TTN: variants seen among roughly 807,000 people sequenced by gnomAD.
The protein encoded by TTN is connectin.
Under a neutral mutation model 3,223.0 loss-of-function variants are expected in TTN, and 1,525 were observed. The observed-to-expected ratio is 0.47, with a 90% CI of 0.45 to 0.49. The LOEUF (loss-of-function observed/expected upper bound fraction) is 0.49. Ranked by LOEUF, TTN falls within the 20% of genes least tolerant of loss-of-function variation. The pLI, the probability that TTN is intolerant of heterozygous loss-of-function variation, is 0.00. For synonymous variants in TTN, 14,094 were observed against 15,161.0 expected, an observed-to-expected ratio of 0.93 and a Z score of 5.17; for missense variants, 40,786 against 43,424.0, an observed-to-expected ratio of 0.94 and a Z score of 5.40.
Position 178,559,974 on chromosome 2 carries a change from C to G in TTN, c.86158G>C (p.Glu28720Gln). 1 of 1,613,822 alleles carries G rather than the reference C, an allele frequency of 6.2e-7. No homozygotes were observed. Among genetic ancestry groups the G allele is most frequent in the Non-Finnish European group, 8.5e-7 (1 of 1,179,810 alleles). The change falls in exon 326 of 363, where the codon GAA becomes CAA. Residue 28720 changes from glutamate to glutamine, a missense_variant. Physicochemically the swap from Glu to Gln is conservative, Grantham distance 29. Coordinates refer to ENST00000589042, the MANE Select transcript of TTN (RefSeq NM_001267550.2). Reference sequence around the variant, plus strand: ...ACAGATTTTACTCTGAAAACATATTCAGCTCCTGTTGTTAGTCCGCTTATT... The same window carrying G: ...ACAGATTTTACTCTGAAAACATATTGAGCTCCTGTTGTTAGTCCGCTTATT... ...YTISGLTTGA[E>Q]YVFRVKSVNK...
At chr2:178,699,885 G>A (rs891319061) in intron 111 of TTN, among the ~76,000 whole-genome samples, 2 of 149,304 alleles carry the variant, frequency 1.3e-5, no homozygotes, top group Admixed American at 6.7e-5. Flanking sequence ...CCACCACCAC[G>A]CCCGGCTAAT....
chr2:178,547,291 G>A lies in TTN; in HGVS notation c.94234C>T (p.Pro31412Ser), dbSNP rs757361681. 6.2e-7 allele frequency: 1 copy of A among 1,609,094 alleles called. No homozygotes were observed. The highest frequency in any genetic ancestry group is 8.5e-7 in the Non-Finnish European group (1 of 1,177,060). ...AEHPFVPPSA[P>S]TRPEVYHVSA... ...ACATGGTAGACCTCAGGTCTGGTAGGAGCGCTTGGTGGGACTAAATATAAA... is the reference window on the plus strand; with the variant it reads ...ACATGGTAGACCTCAGGTCTGGTAGAAGCGCTTGGTGGGACTAAATATAAA... The change falls in exon 340 of 363, where the codon CCT (proline) becomes TCT (serine). Residue 31412 changes from proline to serine, a missense_variant. By Grantham distance (74) the Pro-to-Ser change is moderately conservative. Coordinates refer to ENST00000589042, the MANE Select transcript of TTN (RefSeq NM_001267550.2).
chr2:178,679,499 C>T (rs960707141), intron 141 of TTN, 83 bp from the exon 142 acceptor site: 44 of 1,584,088 alleles, frequency 2.8e-5, no homozygotes, highest in South Asian at 2.1e-4. Context: ...TTTTTAACAA[C>T]GGACAGTGAC....
Position 178,723,151 on chromosome 2 carries a change from T to C in TTN, c.21856A>G (p.Ile7286Val), listed in dbSNP as rs1434099856. The change falls in exon 75 of 363, where the codon ATC (isoleucine) becomes GTC (valine). Residue 7286 changes from isoleucine to valine, a missense_variant. Physicochemically the swap from Ile to Val is conservative, Grantham distance 29. Transcript: ENST00000589042. ...TTTGTGCTATTCAGAATTTCCAGGA[T>C]ACAAGTTTTCTCTGTTGTGACTATG... ...CNIVTTEKTC[I>V]LEILNSTKRD... The C allele has an allele frequency of 1.2e-6, 2 of 1,613,424 alleles. No individual in the cohort carries two copies. Among genetic ancestry groups the C allele is most frequent in the Non-Finnish European group, 8.5e-7 (1 of 1,179,634 alleles).
chr2:178,555,198 GA>G (rs568636033), intron 330 of TTN, 46 bp from the exon 331 acceptor site: 175 of 1,525,968 alleles, frequency 1.1e-4, no homozygotes, highest in Admixed American at 1.5e-4. Flanking sequence ...TATAAGGATG[GA>G]AAAAAAAATA....
rs774766261 is a variant in TTN at position 178,776,483 on chromosome 2, A to G, written c.5381T>C (p.Val1794Ala). 4.4e-6 allele frequency: 7 copies of G among 1,608,080 alleles called. No individual in the cohort carries two copies. The highest frequency in any genetic ancestry group is 1.7e-4 in the Middle Eastern group (1 of 6,060). ...TTCCACAAGACTTTTCTCATCTTTA[A>G]CAATAAGGGTAGCAGATGTGTGATC... ...GTDHTSATLI[V>A]KDEKSLVEES... Residue 1794 changes from valine (V) to alanine (A), a missense_variant, in exon 28 of 363, where the codon GTT (valine) becomes GCT (alanine). By Grantham distance (64) the Val-to-Ala change is moderately conservative. Transcript: ENST00000589042.
chr2:178,644,640 T>C, intron 217 of TTN, 24 bp from the exon 218 acceptor site: 1 of 1,500,384 alleles, frequency 6.7e-7, no homozygotes, highest in African/African-American at 1.4e-5. Flanking sequence ...GATTTTACTT[T>C]TGTTATTTGT....
Position 178,670,315 on chromosome 2 carries a change from A to G in TTN, c.35309-20T>C. 5 of 1,345,182 alleles carry G rather than the reference A, an allele frequency of 3.7e-6. No homozygotes were observed. Among genetic ancestry groups the G allele is most frequent in the Non-Finnish European group, 4.9e-6 (5 of 1,028,704 alleles). The allele number at this position is 1,345,182 out of a possible 1,614,324, so 83.3% of individuals were successfully genotyped here. A position where few individuals can be genotyped will look rare whatever the true frequency, so the allele number is the denominator to read the frequency against. ...CCGGTACTTTAAAGATAATAGTAATAATTTCTTTTATTTTTAAATATACAA... is the reference window on the plus strand; with the variant it reads ...CCGGTACTTTAAAGATAATAGTAATGATTTCTTTTATTTTTAAATATACAA... On this transcript the variant is annotated intron_variant, in intron 156 of 362. Transcript: ENST00000589042.
intron 165 of TTN, 79 bp downstream of exon 165, chr2:178,665,298 G>C: frequency 1.6e-6 from 2 of 1,266,540 alleles, no homozygotes; most frequent in South Asian, 2.6e-5. Flanking sequence ...AATTTATGAA[G>C]AGTATTAGGA....
In TTN at chr2:178,630,818, G is replaced by T; in HGVS notation, c.44140C>A (p.Leu14714Ile). The T allele has an allele frequency of 6.2e-7, 1 of 1,612,854 alleles. No individual in the cohort carries two copies. Among genetic ancestry groups the T allele is most frequent in the Non-Finnish European group, 8.5e-7 (1 of 1,179,280 alleles). Residue 14714 changes from leucine to isoleucine, a missense_variant, in exon 238 of 363, where the codon CTA becomes ATA. Transcript: ENST00000589042. ...AATAGCCTTACAGGTGTTTGGAGTA[G>T]GGCCTCTCCCTTGAGTTTCCAGTTG... ...HANWKLKGEA[L>I]LQTPDCEIKE...
At chr2:178,696,464 T>G (rs748347495) in intron 113 of TTN, among the ~76,000 whole-genome samples, 195 bp from the exon 114 acceptor site, 7 of 151,752 alleles carry the variant, frequency 4.6e-5, no homozygotes, top group Non-Finnish European at 1.0e-4. Context: ...ATTCTACTCT[T>G]GATTTGAGGA....
chr2:178,668,712 C>A (rs1380839382), intron 159 of TTN, among the ~76,000 whole-genome samples: 5 of 139,138 alleles, frequency 3.6e-5, no homozygotes, highest in Non-Finnish European at 7.6e-5. Context: ...AGCCTGGGTG[C>A]AGCAGAGTGA....
Position 178,728,528 on chromosome 2 carries a change from A to G in TTN, c.19398T>C (p.Ser6466=). ...TFKVENDFGS[S]SCDAYLRVLD... The stretch of plus-strand genomic sequence containing the variant: ...GCACTCTTAAGTAGGCATCACAGCT[A>G]CTGCTTCCGAAGTCATTTTCCACCT... Residue 6466 remains serine (S), a synonymous_variant, in exon 66 of 363, where the codon AGT becomes AGC. Coordinates refer to ENST00000589042, the MANE Select transcript of TTN (RefSeq NM_001267550.2). 6.2e-7 allele frequency: 1 copy of G among 1,612,188 alleles called. No homozygotes were observed.
intron 272 of TTN, 33 bp downstream of exon 272, chr2:178,609,651 G>A: frequency 6.4e-7 from 1 of 1,552,744 alleles, no homozygotes; most frequent in Non-Finnish European, 8.7e-7. Context: ...ATTTCAAAAT[G>A]GGAAAGTGGC....
At position 178,636,845 on chromosome 2, in the gene TTN, G is replaced by T. The variant is rs767694645; in HGVS notation, c.40928-46C>A. 5.3e-6 allele frequency: 8 copies of T among 1,511,562 alleles called. No individual in the cohort carries two copies. Among genetic ancestry groups the T allele is most frequent in the African/African-American group, 1.4e-5 (1 of 71,612 alleles). 93.6% of individuals were successfully genotyped at this position (1,511,562 alleles called of 1,614,324 possible). Reference sequence around the variant, plus strand: ...AAGTTGATTTGGCATCTCCTTAGGAGTCAGAAAGTTCATACTTGGCTGCCT... The same window carrying T: ...AAGTTGATTTGGCATCTCCTTAGGATTCAGAAAGTTCATACTTGGCTGCCT... On this transcript the variant is annotated intron_variant, in intron 224 of 362. Transcript: ENST00000589042. The surrounding 1 kb of genome is among the most constrained non-coding windows in gnomAD (Gnocchi z 4.3).
chr2:178,688,220 A>G lies in TTN; in HGVS notation c.32202T>C (p.Ser10734=), dbSNP rs879101587. 5 of 1,611,926 alleles carry G rather than the reference A, an allele frequency of 3.1e-6. No individual in the cohort carries two copies. The African/African-American group carries it at 5.3e-5, about 17-fold the overall frequency. ...CTGAGTAACTCCATTCCTCCTCTGC[A>G]GATACTTTAAAAGATAAGGTTTCAT... ...QRVEVTRHEV[S]AEEEWSYSEE... is the part of the protein sequence containing the mutation. The change falls in exon 127 of 363, where the codon TCT becomes TCC. Residue 10734 remains serine (S), a synonymous_variant. Coordinates refer to ENST00000589042, the MANE Select transcript of TTN (RefSeq NM_001267550.2).
At chr2:178,737,029 C>A (rs1404659211) in intron 49 of TTN, among the ~76,000 whole-genome samples, 4 of 151,928 alleles carry the variant, frequency 2.6e-5, no homozygotes, top group Admixed American at 2.6e-4. Context: ...TGTACCTCTA[C>A]CCCTGTCCTC....
chr2:178,637,145 GGATATATATATATATATATATA>G (rs2060543007), intron 224 of TTN, among the ~76,000 whole-genome samples: 1 of 19,182 alleles, frequency 5.2e-5, no homozygotes, highest in African/African-American at 1.5e-4. Context: ...AAATATAGTT[GGATATATATATATATATATATA>G]TATATATATA....
intron 217 of TTN, 198 bp downstream of exon 217, chr2:178,645,722 T>A: frequency 5.1e-6 from 2 of 390,976 alleles, no homozygotes; most frequent in South Asian, 1.3e-4. Flanking sequence ...TTCTGACTTT[T>A]GCAGCAGCAG....
Sources: allele counts gnomAD v4.1 joint callset (sites outside exome capture counted in the v4.1 genomes callset), GRCh38; gene constraint gnomAD v4.1.1; non-coding constraint Gnocchi (gnomAD v3.1); transcripts MANE v1.5; gene names NCBI Gene and HGNC (gene_info 2026-07-23, HGNC 2026-07-21).